ZC3H12C: variants seen among roughly 807,000 people sequenced by gnomAD.
The protein encoded by ZC3H12C is zinc finger CCCH-type containing 12C.
Under a neutral mutation model 76.3 loss-of-function variants are expected in ZC3H12C, and 20 were observed. That is an observed-to-expected ratio of 0.26 (90% CI 0.18 to 0.38). ZC3H12C has a LOEUF of 0.38. Among genes scored for constraint, ZC3H12C ranks in the 10% least tolerant of loss-of-function variants. The pLI is 1.00. For missense variants in ZC3H12C, 874 were observed against 1,086.5 expected (o/e 0.80, Z 2.75); for synonymous variants, 352 against 399.6 (o/e 0.88, Z 1.42).
intron 2 of ZC3H12C, among the ~76,000 whole-genome samples, chr11:110,152,267 G>T (rs1862285475): frequency 6.6e-6 from 1 of 152,184 alleles, no homozygotes; most frequent in African/African-American, 2.4e-5. Flanking sequence ...ATGCCCTTTT[G>T]TCATCATTAA....
chr11:110,105,549 A>T (rs1591457867), intron 1 of ZC3H12C, among the ~76,000 whole-genome samples: 1 of 152,328 alleles, frequency 6.6e-6, no homozygotes. Context: ...GAGTTGTTTT[A>T]GCATTTTATT....
chr11:110,105,671 A>C (rs938129145), intron 1 of ZC3H12C, among the ~76,000 whole-genome samples: 1 of 152,166 alleles, frequency 6.6e-6, no homozygotes, highest in Non-Finnish European at 1.5e-5. Context: ...AAAATCTATT[A>C]ATCTTTATAA....
At chr11:110,103,525 G>T (rs542673906) in intron 1 of ZC3H12C, among the ~76,000 whole-genome samples, 1 of 151,944 alleles carries the variant, frequency 6.6e-6, no homozygotes, top group Non-Finnish European at 1.5e-5. Flanking sequence ...ACTGTATTGG[G>T]TATGTACTGT....
At chr11:110,099,046 A>C (rs1445130295) in intron 1 of ZC3H12C, among the ~76,000 whole-genome samples, 1 of 152,240 alleles carries the variant, frequency 6.6e-6, no homozygotes, top group Non-Finnish European at 1.5e-5. Context: ...TTGATATCCT[A>C]CATTCGCTCT....
intron 1 of ZC3H12C, among the ~76,000 whole-genome samples, chr11:110,117,686 T>C (rs1230651215): frequency 2.9e-5 from 4 of 138,016 alleles, no homozygotes; most frequent in African/African-American, 8.0e-5. Flanking sequence ...ATTATATATA[T>C]ACACACACAC....
At chr11:110,115,632 G>T (rs1565251129) in intron 1 of ZC3H12C, among the ~76,000 whole-genome samples, 1 of 151,342 alleles carries the variant, frequency 6.6e-6, no homozygotes, top group Non-Finnish European at 1.5e-5. Context: ...ATGGGGTCTT[G>T]CTATGTTGCC....
intron 1 of ZC3H12C, among the ~76,000 whole-genome samples, chr11:110,100,699 C>T (rs1344401433): frequency 6.6e-6 from 1 of 152,164 alleles, no homozygotes; most frequent in Non-Finnish European, 1.5e-5. Context: ...GGTAAACAAT[C>T]AAGCAGTGTT....
intron 2 of ZC3H12C, among the ~76,000 whole-genome samples, chr11:110,144,490 CT>C (rs1862126279): frequency 6.6e-6 from 1 of 152,064 alleles, no homozygotes; most frequent in Non-Finnish European, 1.5e-5. Context: ...ATTCCAGAGG[CT>C]ATGTTATTTT....
chr11:110,134,933 T>C (rs1208450052), intron 1 of ZC3H12C, among the ~76,000 whole-genome samples: 1 of 152,220 alleles, frequency 6.6e-6, no homozygotes, highest in Non-Finnish European at 1.5e-5. Flanking sequence ...TAAAATGTAT[T>C]TCATTACTTG....
intron 1 of ZC3H12C, among the ~76,000 whole-genome samples, chr11:110,111,986 T>C (rs1401519823): frequency 6.6e-6 from 1 of 151,872 alleles, no homozygotes; most frequent in Non-Finnish European, 1.5e-5. Flanking sequence ...CATGTACACA[T>C]GAACACTCAT....
Position 110,167,447 on chromosome 11 carries a change from T to C in ZC3H12C, c.*1710T>C, listed in dbSNP as rs1402155594. The C allele has an allele frequency of 6.6e-6, 1 of 152,168 alleles. No individual in the cohort carries two copies. The highest frequency in any genetic ancestry group is 1.5e-5 in the Non-Finnish European group (1 of 68,006). 9.4% of individuals were successfully genotyped at this position (152,168 alleles called of 1,614,324 possible). A position where few individuals can be genotyped will look rare whatever the true frequency, so the allele number is the denominator to read the frequency against. ...AAATAAAAATAACAATTTAGATAAA[T>C]AGAAATGTCTGTCTTAGTTTTATAT... On this transcript the variant is annotated 3_prime_UTR_variant, in exon 6 of 6. Transcript: ENST00000278590.
chr11:110,115,901 C>T (rs1011227753), intron 1 of ZC3H12C, among the ~76,000 whole-genome samples: 1 of 152,126 alleles, frequency 6.6e-6, no homozygotes, highest in Non-Finnish European at 1.5e-5. Flanking sequence ...GCTAGGATTA[C>T]AGCATCTGCC....
rs1862638573 is a variant in ZC3H12C, at chr11:110,169,466, C to T, written c.*3729C>T. 1.3e-5 allele frequency: 2 copies of T among 151,884 alleles called. No homozygotes were observed. The highest frequency in any genetic ancestry group is 4.2e-4 in the South Asian group (2 of 4,814). 9.4% of individuals were successfully genotyped at this position (151,884 alleles called of 1,614,324 possible). On this transcript the variant is annotated 3_prime_UTR_variant, in exon 6 of 6. Coordinates refer to ENST00000278590, the MANE Select transcript of ZC3H12C (RefSeq NM_033390.2). The stretch of plus-strand genomic sequence containing the variant: ...TTTGGTTTTCATTATTCTTTTTGCT[C>T]TCCAACTTCCTTATTCAAGATAAAA...
chr11:110,163,031 T>C (rs957767127), intron 4 of ZC3H12C, among the ~76,000 whole-genome samples: 1 of 152,228 alleles, frequency 6.6e-6, no homozygotes, highest in Non-Finnish European at 1.5e-5. Flanking sequence ...TAGGACATGC[T>C]CAACTCAAAA....
chr11:110,153,034 T>A lies in ZC3H12C; in HGVS notation c.889T>A (p.Ser297Thr), dbSNP rs1268942551. 1 of 1,611,738 alleles carries A rather than the reference T, an allele frequency of 6.2e-7. No homozygotes were observed. Among genetic ancestry groups the A allele is most frequent in the Non-Finnish European group, 8.5e-7 (1 of 1,178,982 alleles). The change falls in exon 3 of 6, where the codon TCC becomes ACC. Residue 297 changes from serine (S) to threonine (T), a missense_variant. Physicochemically the swap from Ser to Thr is moderately conservative, Grantham distance 58 (BLOSUM62 1). Coordinates refer to ENST00000278590, the MANE Select transcript of ZC3H12C (RefSeq NM_033390.2). ...TGTTCCTGCTTGGAGGAAAGAGCAA[T>A]CCCGACCTGATGCTCTCATTACAGG... ...VFVPAWRKEQ[S>T]RPDALITDQE...
chr11:110,115,107 GTATT>G (rs1336843097), intron 1 of ZC3H12C, among the ~76,000 whole-genome samples: 2 of 151,562 alleles, frequency 1.3e-5, no homozygotes, highest in Non-Finnish European at 2.9e-5. Flanking sequence ...TTATTTTTAT[GTATT>G]TATTTATTTT....
At chr11:110,137,747 C>G (rs1861996859) in intron 2 of ZC3H12C, among the ~76,000 whole-genome samples, 1 of 152,144 alleles carries the variant, frequency 6.6e-6, no homozygotes, top group South Asian at 2.1e-4. Context: ...TGATAATATT[C>G]AACAATTTTA....
At position 110,115,635 on chromosome 11, in the gene ZC3H12C, A is replaced by C. The variant is rs1449164289; in HGVS notation, c.22-21028A>C. The stretch of plus-strand genomic sequence containing the variant: ...TTTTTTCATAGGATGGGGTCTTGCT[A>C]TGTTGCCTAGGCTGGTCTTGAACTT... On this transcript the variant is annotated intron_variant, in intron 1 of 5. Coordinates refer to ENST00000278590, the MANE Select transcript of ZC3H12C (RefSeq NM_033390.2). Among the ~76,000 whole-genome samples the C allele has an allele frequency of 2.0e-5, 3 of 150,694 alleles. No individual in the cohort carries two copies. In the South Asian group the frequency reaches 6.3e-4, roughly 32 times the overall value.
intron 4 of ZC3H12C, 64 bp from the exon 5 acceptor site, chr11:110,163,207 ACT>A: frequency 3.6e-6 from 5 of 1,384,974 alleles, no homozygotes; most frequent in Non-Finnish European, 4.9e-6. Flanking sequence ...AAATCTTTGT[ACT>A]CTTTTTAGAA....
Sources: allele counts gnomAD v4.1 joint callset (sites outside exome capture counted in the v4.1 genomes callset), GRCh38; gene constraint gnomAD v4.1.1; transcripts MANE v1.5; gene names NCBI Gene and HGNC (gene_info 2026-07-23, HGNC 2026-07-21).